WDR7: variants seen among roughly 807,000 people sequenced by gnomAD.
WDR7 encodes WD repeat domain 7.
WDR7 carries 46 observed loss-of-function variants against 169.4 expected under a neutral mutation model. That is an observed-to-expected ratio of 0.27 (90% CI 0.21 to 0.35). The LOEUF is 0.35. Among genes scored for constraint, WDR7 ranks in the 10% least tolerant of loss-of-function variants. The pLI, the probability that WDR7 is intolerant of heterozygous loss-of-function variation, is 1.00. For synonymous variants in WDR7, 612 were observed against 666.8 expected (o/e 0.92, Z 1.27); for missense variants, 1,534 against 1,859.3 (o/e 0.83, Z 3.22).
chr18:56,956,219 G>T (rs911519958), intron 25 of WDR7, among the ~76,000 whole-genome samples: 2 of 152,100 alleles, frequency 1.3e-5, no homozygotes, highest in Non-Finnish European at 2.9e-5. Context: ...CAGGAATGAT[G>T]CATTTCTGGA....
intron 26 of WDR7, among the ~76,000 whole-genome samples, chr18:57,014,273 C>T (rs1047250378): frequency 2.7e-5 from 4 of 150,188 alleles, no homozygotes; most frequent in African/African-American, 7.4e-5. Context: ...TTGCAGTGAG[C>T]CGAGATCGTG....
chr18:56,794,450 C>T (rs932445834), intron 19 of WDR7, among the ~76,000 whole-genome samples: 3 of 151,528 alleles, frequency 2.0e-5, no homozygotes, highest in Non-Finnish European at 4.4e-5. Context: ...GCTGGGACTA[C>T]AGGTGCCCAC....
intron 19 of WDR7, among the ~76,000 whole-genome samples, chr18:56,793,203 T>C (rs745732928): frequency 6.6e-6 from 1 of 152,236 alleles, no homozygotes; most frequent in African/African-American, 2.4e-5. Flanking sequence ...TATACTTCAT[T>C]ATTTTGAATT....
At chr18:56,981,962 G>T (rs561238530) in intron 26 of WDR7, among the ~76,000 whole-genome samples, 2 of 151,928 alleles carry the variant, frequency 1.3e-5, no homozygotes, top group Non-Finnish European at 2.9e-5. Context: ...GATAGGGAAG[G>T]GTTTAACAAG....
intron 20 of WDR7, among the ~76,000 whole-genome samples, chr18:56,873,185 A>G (rs761657496): frequency 1.2e-4 from 19 of 152,288 alleles, no homozygotes; most frequent in Admixed American, 3.3e-4. Context: ...ACTGATAAAA[A>G]TTACATACTG....
chr18:56,976,154 C>A (rs1346729848), intron 26 of WDR7, among the ~76,000 whole-genome samples: 1 of 152,156 alleles, frequency 6.6e-6, no homozygotes, highest in Non-Finnish European at 1.5e-5. Context: ...ATTGACATCA[C>A]TGGTGGCTGG....
intron 6 of WDR7, among the ~76,000 whole-genome samples, 191 bp from the exon 7 acceptor site, chr18:56,686,664 A>G (rs981477731): frequency 6.6e-6 from 1 of 152,166 alleles, no homozygotes; most frequent in African/African-American, 2.4e-5. Flanking sequence ...TTTTGTAGCA[A>G]CAGTATTTGT....
At chr18:56,691,107 T>C in intron 7 of WDR7, 109 bp from the exon 8 acceptor site, 2 of 1,458,166 alleles carry the variant, frequency 1.4e-6, no homozygotes, top group Non-Finnish European at 1.8e-6. Flanking sequence ...TGCAGCAAAC[T>C]GAGTTTTCTA....
chr18:56,681,017 A>G (rs2025341009), intron 3 of WDR7, among the ~76,000 whole-genome samples: 3 of 152,236 alleles, frequency 2.0e-5, no homozygotes, highest in African/African-American at 2.4e-5. Context: ...AAAGCCTTGC[A>G]TTGGTTCCGG....
rs756143430 is a variant in WDR7, at chr18:56,731,563, C to T, written c.1955C>T (p.Ala652Val). Residue 652 changes from alanine to valine, a missense_variant, in exon 14 of 28, where the codon GCA becomes GTA. Transcript: ENST00000254442. ...NMAHHKLQTLATNLLASEASD... is the reference protein window; with the variant it reads ...NMAHHKLQTLVTNLLASEASD... ...GCCCATCATAAGCTACAAACCCTTG[C>T]AACTAACCTCTTGGCTTCTGAGGCA... is the stretch of plus-strand genomic sequence containing the variant. 4 of 1,613,930 alleles carry T rather than the reference C, an allele frequency of 2.5e-6. No homozygotes were observed. The highest frequency in any genetic ancestry group is 3.4e-6 in the Non-Finnish European group (4 of 1,180,020).
At chr18:56,729,814 T>A (rs938584859) in intron 13 of WDR7, among the ~76,000 whole-genome samples, 13 of 152,300 alleles carry the variant, frequency 8.5e-5, no homozygotes, top group African/African-American at 3.1e-4. Flanking sequence ...GTTAAAAAAA[T>A]TACTAATTTT....
At chr18:56,673,897 C>A (rs907419027) in intron 2 of WDR7, among the ~76,000 whole-genome samples, 1 of 151,648 alleles carries the variant, frequency 6.6e-6, no homozygotes, top group East Asian at 1.9e-4. Flanking sequence ...TCACTAACGT[C>A]GTGATTATTC....
At chr18:56,892,809 G>C (rs2046281930) in intron 21 of WDR7, among the ~76,000 whole-genome samples, 1 of 152,054 alleles carries the variant, frequency 6.6e-6, no homozygotes, top group South Asian at 2.1e-4. Flanking sequence ...AGATACTTCA[G>C]TAGTTAAATA....
chr18:57,015,737 G>A (rs1486488667), intron 26 of WDR7, among the ~76,000 whole-genome samples: 1 of 152,230 alleles, frequency 6.6e-6, no homozygotes, highest in Admixed American at 6.5e-5. Context: ...GATGAGTGCT[G>A]CAAGCACCCG....
chr18:56,754,341 ATG>A (rs1186005275), intron 14 of WDR7, among the ~76,000 whole-genome samples: 3 of 149,938 alleles, frequency 2.0e-5, no homozygotes, highest in East Asian at 2.0e-4. Flanking sequence ...ATACGTATAT[ATG>A]TGTGTATATA....
chr18:56,763,311 A>G (rs965455638), intron 16 of WDR7, among the ~76,000 whole-genome samples: 1 of 152,214 alleles, frequency 6.6e-6, no homozygotes, highest in Non-Finnish European at 1.5e-5. Flanking sequence ...AGATTTTAAA[A>G]ATTATGAATA....
intron 26 of WDR7, among the ~76,000 whole-genome samples, chr18:57,000,299 A>G (rs1459664300): frequency 3.9e-5 from 6 of 152,220 alleles, no homozygotes; most frequent in Admixed American, 3.9e-4. Context: ...AGAAGGCTTA[A>G]TGAATCGTAT....
intron 20 of WDR7, among the ~76,000 whole-genome samples, chr18:56,835,400 A>G (rs1036547272): frequency 6.6e-5 from 10 of 152,182 alleles, no homozygotes; most frequent in African/African-American, 2.4e-4. Context: ...GTAGTATTGT[A>G]CCTAACTTAT....
At chr18:56,854,329 A>G (rs918010840) in intron 20 of WDR7, among the ~76,000 whole-genome samples, 2 of 152,240 alleles carry the variant, frequency 1.3e-5, no homozygotes, top group African/African-American at 4.8e-5. Context: ...ACTTAGGGAA[A>G]CACATACTTG....
Sources: gnomAD v4.1 joint callset for allele counts (sites outside exome capture counted in the v4.1 genomes callset) on GRCh38, gnomAD v4.1.1 for gene constraint, MANE v1.5 for transcripts, NCBI Gene and HGNC (gene_info 2026-07-23, HGNC 2026-07-21) for gene names.